The following ERC1 variants were observed in gnomAD, a reference collection of about 807,000 sequenced individuals.
ERC1 encodes ELKS/RAB6-interacting/CAST family member 1.
ERC1 carries 56 observed loss-of-function variants against 132.0 expected under a neutral mutation model. The ratio of observed to expected loss-of-function variants is 0.42; its 90% CI spans 0.34 to 0.53. The LOEUF (loss-of-function observed/expected upper bound fraction) is 0.53. ERC1 is among the 20% of genes least tolerant of loss of function. The pLI is 0.03. For missense variants in ERC1, 1,202 were observed against 1,349.9 expected, an observed-to-expected ratio of 0.89 and a Z score of 1.72; for synonymous variants, 478 against 476.1, an observed-to-expected ratio of 1.00 and a Z score of -0.05.
rs749255496 is a variant in ERC1, at chr12:1,263,017, C to A, written c.2488-17C>A. The A allele has an allele frequency of 1.9e-6, 3 of 1,613,024 alleles. No homozygotes were observed. Among genetic ancestry groups the A allele is most frequent in the East Asian group, 2.2e-5 (1 of 44,852 alleles). ...AAGTAATTAATCCACTTCACCTAGT[C>A]TTCCATCATTTTCTAGGACAGTCTC... is the stretch of plus-strand genomic sequence containing the variant. On this transcript the variant is annotated splice_polypyrimidine_tract_variant and intron_variant, in intron 13 of 18. Coordinates refer to ENST00000360905, the MANE Select transcript of ERC1 (RefSeq NM_178040.4).
chr12:1,253,588 A>G (rs560654489), intron 13 of ERC1, among the ~76,000 whole-genome samples: 129 of 152,212 alleles, frequency 8.5e-4, no homozygotes, highest in African/African-American at 2.9e-3. Context: ...AGGCAGGAGA[A>G]TTGCTTGAAC....
chr12:1,236,224 T>C (rs1054497165), intron 12 of ERC1, among the ~76,000 whole-genome samples: 2 of 152,128 alleles, frequency 1.3e-5, no homozygotes, highest in African/African-American at 2.4e-5. Context: ...GATAGACCAA[T>C]AGTAGAGAGA....
At chr12:1,280,881 A>G (rs2078635038) in intron 14 of ERC1, among the ~76,000 whole-genome samples, 1 of 152,254 alleles carries the variant, frequency 6.6e-6, no homozygotes, top group Non-Finnish European at 1.5e-5. Flanking sequence ...GATAAGGTCA[A>G]GTAAGTGTCA....
intron 2 of ERC1, among the ~76,000 whole-genome samples, chr12:1,062,418 T>C (rs567229494): frequency 6.6e-6 from 1 of 152,202 alleles, no homozygotes; most frequent in East Asian, 1.9e-4. Context: ...CACCACACCT[T>C]GTCATTATGT....
intron 18 of ERC1, among the ~76,000 whole-genome samples, chr12:1,445,943 G>A (rs958052436): frequency 3.3e-5 from 5 of 152,194 alleles, no homozygotes; most frequent in Admixed American, 3.3e-4. Context: ...GAGGCTGGAA[G>A]TCCCAGATCA....
chr12:1,284,061 TCCTAC>T (rs1298433266), intron 14 of ERC1, among the ~76,000 whole-genome samples: 1 of 152,146 alleles, frequency 6.6e-6, no homozygotes, highest in Admixed American at 6.6e-5. Context: ...CCCCTCTCCC[TCCTAC>T]CCTTCCCAGC....
At chr12:1,342,452 G>C (rs1274596718) in intron 15 of ERC1, among the ~76,000 whole-genome samples, 1 of 145,296 alleles carries the variant, frequency 6.9e-6, no homozygotes. Flanking sequence ...GGGCGACAAA[G>C]AGCGAAACTC....
At chr12:1,191,224 A>G (rs1436538716) in intron 12 of ERC1, among the ~76,000 whole-genome samples, 1 of 152,158 alleles carries the variant, frequency 6.6e-6, no homozygotes, top group Non-Finnish European at 1.5e-5. Flanking sequence ...AGAATTTTAA[A>G]ATTACCATAG....
intron 13 of ERC1, among the ~76,000 whole-genome samples, chr12:1,239,770 T>C (rs2075675531): frequency 6.6e-6 from 1 of 152,188 alleles, no homozygotes; most frequent in East Asian, 1.9e-4. Context: ...GAGAAGTTAC[T>C]CATTCCAGGA....
intron 17 of ERC1, among the ~76,000 whole-genome samples, chr12:1,427,187 A>T (rs1244961409): frequency 6.6e-6 from 1 of 152,152 alleles, no homozygotes; most frequent in African/African-American, 2.4e-5. Flanking sequence ...AGTAGGTCTC[A>T]CCATATCTCC....
chr12:1,380,967 A>C (rs1381572406), intron 16 of ERC1: 2 of 152,228 alleles, frequency 1.3e-5, no homozygotes, highest in Non-Finnish European at 2.9e-5. Context: ...TGTTCATCTC[A>C]CTTAGTTTAA....
chr12:1,303,508 G>T (rs548162203), intron 15 of ERC1, among the ~76,000 whole-genome samples: 2 of 151,788 alleles, frequency 1.3e-5, no homozygotes, highest in Non-Finnish European at 2.9e-5. Context: ...GTGTGGCGGC[G>T]TGCACCTGTA....
At chr12:1,040,324 CTTT>C (rs956609769) in intron 2 of ERC1, among the ~76,000 whole-genome samples, 3 of 138,070 alleles carry the variant, frequency 2.2e-5, no homozygotes, top group Non-Finnish European at 3.1e-5. Context: ...TTTCTTTTTT[CTTT>C]TTTTTTTTTT....
At chr12:1,444,862 G>T in intron 18 of ERC1, 112 bp downstream of exon 18, 1 of 909,990 alleles carries the variant, frequency 1.1e-6, no homozygotes, top group Admixed American at 2.6e-5. Context: ...TTGATGCAGT[G>T]GGGGCTACCT....
chr12:1,443,268 A>G (rs907747655), intron 17 of ERC1: 2 of 151,954 alleles, frequency 1.3e-5, no homozygotes, highest in Non-Finnish European at 2.9e-5. Context: ...TTTTCCCCCA[A>G]TTTTTTGGAG....
intron 17 of ERC1, among the ~76,000 whole-genome samples, chr12:1,424,218 T>C (rs1429373447): frequency 1.3e-5 from 2 of 152,222 alleles, no homozygotes; most frequent in African/African-American, 4.8e-5. Context: ...AATGACATAA[T>C]GAATGAGTAG....
chr12:1,081,653 A>G (rs1942213857), intron 2 of ERC1, among the ~76,000 whole-genome samples: 1 of 152,214 alleles, frequency 6.6e-6, no homozygotes, highest in African/African-American at 2.4e-5. Flanking sequence ...TATCTAAAAT[A>G]GTCAAATTCA....
intron 7 of ERC1, among the ~76,000 whole-genome samples, chr12:1,127,809 GAAAAC>G (rs1948363061): frequency 6.6e-6 from 1 of 152,114 alleles, no homozygotes; most frequent in African/African-American, 2.4e-5. Flanking sequence ...GGAAAAAGAG[GAAAAC>G]AAAACAAGAG....
rs1475260399 is a variant in ERC1 at position 1,141,746 on chromosome 12, T to C, written c.1696T>C (p.Leu566=). ...AGAGATACATGACCTCAAGGACATG[T>C]TGGATGTGAAGGAGCGGAAGGTTAA... ...AGEIHDLKDM[L]DVKERKVNVL... The change falls in exon 8 of 19, where the codon TTG becomes CTG. Residue 566 remains leucine (L), a synonymous_variant. Coordinates refer to ENST00000360905, the MANE Select transcript of ERC1 (RefSeq NM_178040.4). The C allele has an allele frequency of 1.2e-6, 2 of 1,611,010 alleles. No homozygotes were observed. The highest frequency in any genetic ancestry group is 1.7e-5 in the Admixed American group (1 of 59,780).
Sources: allele counts gnomAD v4.1 joint callset (sites outside exome capture counted in the v4.1 genomes callset), GRCh38; gene constraint gnomAD v4.1.1; transcripts MANE v1.5; gene names NCBI Gene and HGNC (gene_info 2026-07-23, HGNC 2026-07-21).